Variants in SH3KBP1 observed in about 807,000 individuals in gnomAD.
SH3KBP1 encodes the protein SH3 domain containing kinase binding protein 1, also known as SH3 domain-containing kinase-binding protein 1.
Under a neutral mutation model 50.1 loss-of-function variants are expected in SH3KBP1, and 8 were observed. The observed-to-expected ratio is 0.16, with a 90% CI of 0.09 to 0.29. The LOEUF (loss-of-function observed/expected upper bound fraction) is 0.29, where lower values mean the gene tolerates loss of function less well. SH3KBP1 is among the 10% of genes least tolerant of loss of function. The pLI is 1.00. For synonymous variants in SH3KBP1, 227 were observed against 218.6 expected (o/e 1.04, Z -0.34); for missense variants, 377 against 535.2 (o/e 0.70, Z 2.92).
chrX:19,744,666 G>C (rs2064866788), intron 3 of SH3KBP1, among the ~76,000 whole-genome samples: 2 of 112,271 alleles, frequency 1.8e-5, no homozygotes, highest in Admixed American at 9.4e-5. Flanking sequence ...GTCCAAGGCA[G>C]AAAGCTTTCA....
chrX:19,791,411 T>C (rs752689761), intron 2 of SH3KBP1, among the ~76,000 whole-genome samples: 15 of 110,636 alleles, frequency 1.4e-4, no homozygotes, highest in African/African-American at 4.6e-4. Context: ...GGTGCTGATA[T>C]AGAAAGATGC....
intron 3 of SH3KBP1, among the ~76,000 whole-genome samples, chrX:19,738,788 A>T (rs1457618120): frequency 9.4e-6 from 1 of 106,071 alleles, no homozygotes; most frequent in Non-Finnish European, 1.9e-5. Context: ...AGGCTGGGGG[A>T]TGACTTGAGG....
In SH3KBP1 at chrX:19,542,155, C is replaced by A. The variant is rs1260178624; in HGVS notation, c.1662G>T (p.Gly554=). ...GCCCACCGCCACCTGCTGCCATGGT[C>A]CCCGGCTTGGGCGGCAGGGATGCTT... is the stretch of plus-strand genomic sequence containing the variant. ...DNKASLPPKP[G]TMAAGGGGPA... The change falls in exon 16 of 18, where the codon GGG becomes GGT. Residue 554 remains glycine (G), a synonymous_variant. Coordinates refer to ENST00000397821, the MANE Select transcript of SH3KBP1 (RefSeq NM_031892.3). 1 of 1,191,402 alleles carries A rather than the reference C, an allele frequency of 8.4e-7. No individual in the cohort carries two copies. Among genetic ancestry groups the A allele is most frequent in the Non-Finnish European group, 1.1e-6 (1 of 884,774 alleles).
intron 1 of SH3KBP1, among the ~76,000 whole-genome samples, chrX:19,874,068 A>AAAAAAAAAAAAAAAAAT (rs1491537486): frequency 1.8e-5 from 1 of 57,035 alleles, no homozygotes; most frequent in African/African-American, 1.6e-4. Context: ...AAAAAAAAAA[A>AAAAAAAAAAAAAAAAAT]ATATATATAT....
intron 8 of SH3KBP1, among the ~76,000 whole-genome samples, chrX:19,629,916 C>T (rs2061539216): frequency 8.9e-6 from 1 of 112,468 alleles, no homozygotes; most frequent in Admixed American, 9.4e-5. Flanking sequence ...TCTACCTGTT[C>T]ATTTATCTGT....
chrX:19,816,741 G>A (rs1391228038), intron 2 of SH3KBP1, among the ~76,000 whole-genome samples: 1 of 111,576 alleles, frequency 9.0e-6, no homozygotes, highest in Non-Finnish European at 1.9e-5. Flanking sequence ...CTGGGAGGTC[G>A]AGGCTGCAGT....
chrX:19,774,156 T>C (rs993947572), intron 2 of SH3KBP1, among the ~76,000 whole-genome samples: 2 of 111,271 alleles, frequency 1.8e-5, no homozygotes, highest in Non-Finnish European at 3.8e-5. Flanking sequence ...CCAGCCCTCC[T>C]ATAGGGTCTT....
intron 1 of SH3KBP1, among the ~76,000 whole-genome samples, chrX:19,840,031 G>A (rs1280338299): frequency 8.9e-6 from 1 of 112,293 alleles, no homozygotes; most frequent in Non-Finnish European, 1.9e-5. Context: ...AAGATCCTGT[G>A]GTTAATTCTT....
At chrX:19,565,704 G>A (rs943683964) in intron 13 of SH3KBP1, among the ~76,000 whole-genome samples, 3 of 110,927 alleles carry the variant, frequency 2.7e-5, no homozygotes, top group Admixed American at 1.9e-4. Flanking sequence ...GTACCTCAAC[G>A]AGGATTAAAA....
intron 12 of SH3KBP1, among the ~76,000 whole-genome samples, chrX:19,570,337 G>A (rs1449196575): frequency 1.8e-5 from 2 of 111,985 alleles, no homozygotes; most frequent in Non-Finnish European, 3.8e-5. Context: ...GAGCCTTGGA[G>A]GAAAAGGGAG....
At chrX:19,631,562 G>A (rs1415578833) in intron 8 of SH3KBP1, among the ~76,000 whole-genome samples, 1 of 112,766 alleles carries the variant, frequency 8.9e-6, no homozygotes, top group African/African-American at 3.2e-5. Flanking sequence ...GGCTGCTGTG[G>A]AGGGCAGGAT....
At chrX:19,660,628 C>T (rs912285583) in intron 6 of SH3KBP1, among the ~76,000 whole-genome samples, 5 of 111,689 alleles carry the variant, frequency 4.5e-5, no homozygotes, top group African/African-American at 1.3e-4. Context: ...CCCAGGAGCC[C>T]CTCAAGTGCG....
chrX:19,671,894 T>C (rs186702557), intron 6 of SH3KBP1, among the ~76,000 whole-genome samples: 41 of 112,502 alleles, frequency 3.6e-4, no homozygotes, highest in African/African-American at 1.2e-3. Context: ...TCTTACCACA[T>C]TTCTCATATG....
At chrX:19,805,822 A>G (rs138053021) in intron 2 of SH3KBP1, among the ~76,000 whole-genome samples, 1,125 of 111,677 alleles carry the variant, frequency 0.01, 16 homozygotes, top group African/African-American at 0.034. Context: ...GAAGTGCTAT[A>G]TAAAAATTTG....
chrX:19,773,738 C>T (rs1376949040), intron 2 of SH3KBP1, among the ~76,000 whole-genome samples: 1 of 106,995 alleles, frequency 9.3e-6, no homozygotes, highest in South Asian at 4.2e-4. Context: ...CGCCTGTAGT[C>T]CCAGCTACTT....
intron 2 of SH3KBP1, among the ~76,000 whole-genome samples, chrX:19,798,251 AT>A (rs771074767): frequency 9.3e-6 from 1 of 107,242 alleles, no homozygotes; most frequent in Non-Finnish European, 1.9e-5. Context: ...TTCCTGGCTA[AT>A]TTTTTTTTAT....
At chrX:19,709,355 G>A (rs1048950427) in intron 3 of SH3KBP1, among the ~76,000 whole-genome samples, 2 of 111,480 alleles carry the variant, frequency 1.8e-5, no homozygotes, top group Admixed American at 1.9e-4. Flanking sequence ...ATTCGCCCTC[G>A]CACTGGGATA....
At chrX:19,791,920 T>G (rs2066544421) in intron 2 of SH3KBP1, among the ~76,000 whole-genome samples, 1 of 111,697 alleles carries the variant, frequency 9.0e-6, no homozygotes, top group Non-Finnish European at 1.9e-5. Context: ...TTCCGTAATT[T>G]TGAGGGGTAA....
intron 3 of SH3KBP1, among the ~76,000 whole-genome samples, chrX:19,715,021 C>T (rs1481719573): frequency 9.0e-6 from 1 of 111,382 alleles, no homozygotes; most frequent in African/African-American, 3.3e-5. Flanking sequence ...CACCTGTAAT[C>T]CCAGCACTTT....
Sources: allele counts gnomAD v4.1 joint callset (sites outside exome capture counted in the v4.1 genomes callset), GRCh38; gene constraint gnomAD v4.1.1; transcripts MANE v1.5; gene names NCBI Gene and HGNC (gene_info 2026-07-23, HGNC 2026-07-21).